SPIDR: variants seen among roughly 807,000 people sequenced by gnomAD.
SPIDR encodes the protein DNA repair-scaffolding protein.
Under a neutral mutation model 104.6 loss-of-function variants are expected in SPIDR, and 93 were observed. The observed-to-expected ratio is 0.89, with a 90% CI of 0.75 to 1.06. SPIDR has a LOEUF of 1.06. Among genes scored for constraint, SPIDR ranks in the 50% least tolerant of loss-of-function variants. The probability of loss-of-function intolerance (pLI) is 0.00; values close to 1 mark genes in which losing one functional copy is unlikely to be tolerated. For synonymous variants in SPIDR, 431 were observed against 416.9 expected (o/e 1.03, Z -0.41); for missense variants, 1,154 against 1,111.2 (o/e 1.04, Z -0.55).
chr8:47,712,565 T>C, intron 14 of SPIDR, 97 bp from the exon 15 acceptor site: 2 of 1,278,858 alleles, frequency 1.6e-6, no homozygotes, highest in Non-Finnish European at 2.2e-6. Context: ...TGAAATAATA[T>C]CTTAAATTGT....
At chr8:47,592,998 T>G (rs576362062) in intron 8 of SPIDR, among the ~76,000 whole-genome samples, 3 of 152,256 alleles carry the variant, frequency 2.0e-5, no homozygotes, top group South Asian at 4.1e-4. Context: ...GCGATTCTCC[T>G]GCCTCAGCCT....
At chr8:47,524,085 T>G (rs988266160) in intron 8 of SPIDR, among the ~76,000 whole-genome samples, 7 of 152,278 alleles carry the variant, frequency 4.6e-5, no homozygotes, top group African/African-American at 1.7e-4. Flanking sequence ...GGTTACCAAA[T>G]GAAATAAAGG....
chr8:47,380,105 T>G (rs2154299757), intron 5 of SPIDR, among the ~76,000 whole-genome samples: 1 of 152,358 alleles, frequency 6.6e-6, no homozygotes, highest in Admixed American at 6.5e-5. Flanking sequence ...AACAGATTTA[T>G]TTTTAAAACA....
At chr8:47,625,556 A>G (rs547272574) in intron 10 of SPIDR, among the ~76,000 whole-genome samples, 2 of 152,326 alleles carry the variant, frequency 1.3e-5, no homozygotes, top group South Asian at 4.1e-4. Context: ...ATACAAAATC[A>G]ATGTGCAAAA....
chr8:47,278,288 T>C (rs2036997606), intron 1 of SPIDR, among the ~76,000 whole-genome samples: 1 of 151,872 alleles, frequency 6.6e-6, no homozygotes, highest in Non-Finnish European at 1.5e-5. Flanking sequence ...CTTGAATAGC[T>C]GGGACTATAG....
At chr8:47,487,412 T>A (rs1470666897) in intron 8 of SPIDR, among the ~76,000 whole-genome samples, 6 of 152,002 alleles carry the variant, frequency 3.9e-5, no homozygotes, top group African/African-American at 1.5e-4. Flanking sequence ...AATGGGAGAC[T>A]TTAACACCCC....
intron 4 of SPIDR, among the ~76,000 whole-genome samples, chr8:47,291,799 T>C (rs2039949979): frequency 6.6e-6 from 1 of 152,202 alleles, no homozygotes; most frequent in Non-Finnish European, 1.5e-5. Flanking sequence ...GTAAATACTG[T>C]GACAACCAGT....
chr8:47,308,287 TC>T (rs2043465188), intron 5 of SPIDR, among the ~76,000 whole-genome samples: 1 of 152,026 alleles, frequency 6.6e-6, no homozygotes, highest in African/African-American at 2.4e-5. Context: ...CGTCTCAAAC[TC>T]CTGACCTCAG....
chr8:47,615,670 G>T (rs891966667), intron 10 of SPIDR, among the ~76,000 whole-genome samples: 1 of 151,720 alleles, frequency 6.6e-6, no homozygotes, highest in Non-Finnish European at 1.5e-5. Context: ...CACCATGCCC[G>T]GCTAATTCTT....
At position 47,729,263 on chromosome 8, in the gene SPIDR, A is replaced by C. The variant is rs529587344; in HGVS notation, c.2551-149A>C. ...ATGTGAACACAGTCTCTCCATGTTA[A>C]AACACATCTTTGACCTAAGGCCGTG... On this transcript the variant is annotated intron_variant, in intron 18 of 19. Coordinates refer to ENST00000297423, the MANE Select transcript of SPIDR (RefSeq NM_001080394.4). The C allele has an allele frequency of 7.0e-6, 10 of 1,426,262 alleles. No individual in the cohort carries two copies. The East Asian group carries it at 2.5e-4, about 36-fold the overall frequency. The allele number at this position is 1,426,262 out of a possible 1,614,324, so 88.4% of individuals were successfully genotyped here. A position where few individuals can be genotyped will look rare whatever the true frequency, so the allele number is the denominator to read the frequency against.
At chr8:47,320,932 T>C (rs1452351725) in intron 5 of SPIDR, among the ~76,000 whole-genome samples, 2 of 152,204 alleles carry the variant, frequency 1.3e-5, no homozygotes, top group African/African-American at 4.8e-5. Flanking sequence ...AAATTAGGTA[T>C]TGATGGGACG....
intron 19 of SPIDR, chr8:47,732,055 C>T (rs1229046506): frequency 2.9e-6 from 2 of 684,550 alleles, no homozygotes; most frequent in East Asian, 5.4e-5. Flanking sequence ...TGCCTGGCAT[C>T]CCTGGTCACC....
intron 10 of SPIDR, among the ~76,000 whole-genome samples, chr8:47,612,467 G>A (rs2063724177): frequency 6.6e-6 from 1 of 152,212 alleles, no homozygotes; most frequent in African/African-American, 2.4e-5. Context: ...GAAAAGGCTA[G>A]AACAAGATTT....
chr8:47,300,036 C>G (rs968816834), intron 5 of SPIDR, among the ~76,000 whole-genome samples: 19 of 152,272 alleles, frequency 1.2e-4, no homozygotes, highest in African/African-American at 4.6e-4. Flanking sequence ...GTACCAGCTC[C>G]TCTTTGTACC....
intron 8 of SPIDR, among the ~76,000 whole-genome samples, chr8:47,508,751 T>C (rs1050196677): frequency 2.6e-5 from 4 of 152,102 alleles, no homozygotes; most frequent in Non-Finnish European, 5.9e-5. Flanking sequence ...TCCATTTGTA[T>C]CTGACCCCCA....
chr8:47,487,216 T>G (rs2077798760), intron 8 of SPIDR, among the ~76,000 whole-genome samples: 1 of 152,128 alleles, frequency 6.6e-6, no homozygotes, highest in Non-Finnish European at 1.5e-5. Context: ...TAGTCTCTCA[T>G]GAAACAGACT....
chr8:47,658,046 A>G (rs1213164198), intron 10 of SPIDR, among the ~76,000 whole-genome samples: 4 of 149,608 alleles, frequency 2.7e-5, no homozygotes, highest in Admixed American at 6.6e-5. Flanking sequence ...AAAAAAAAAA[A>G]AAAGAAAAAG....
In SPIDR at chr8:47,293,993, C is replaced by T. The variant is rs2040391447; in HGVS notation, c.488C>T (p.Ser163Phe). Residue 163 changes from serine (S) to phenylalanine (F), a missense_variant, in exon 5 of 20, where the codon TCT becomes TTT. By Grantham distance (155) the Ser-to-Phe change is radical. Transcript: ENST00000297423. Reference sequence around the variant, plus strand: ...TGTGCTTCTTGTGCAAGTAATCAGTCTTTGACAAGTGATGAGAAGCTGTCG... The same window carrying T: ...TGTGCTTCTTGTGCAAGTAATCAGTTTTTGACAAGTGATGAGAAGCTGTCG... Reference protein sequence around the residue: ...SDCASCASNQSLTSDEKLSEL... With the variant: ...SDCASCASNQFLTSDEKLSEL... 17 of 1,614,028 alleles carry T rather than the reference C, an allele frequency of 1.1e-5. No homozygotes were observed. Among genetic ancestry groups the T allele is most frequent in the Non-Finnish European group, 1.4e-5 (17 of 1,179,972 alleles).
intron 4 of SPIDR, among the ~76,000 whole-genome samples, chr8:47,293,019 T>TTCC (rs1331887998): frequency 3.6e-4 from 54 of 152,098 alleles, no homozygotes; most frequent in Non-Finnish European, 7.1e-4. Context: ...CTCTAATGTG[T>TTCC]TCCCCTGCCT....
Sources: allele counts gnomAD v4.1 joint callset (sites outside exome capture counted in the v4.1 genomes callset), GRCh38; gene constraint gnomAD v4.1.1; transcripts MANE v1.5; gene names NCBI Gene and HGNC (gene_info 2026-07-23, HGNC 2026-07-21).